SOX6: variants seen among roughly 807,000 people sequenced by gnomAD.
SOX6 encodes transcription factor SOX-6.
A neutral mutation model predicts 97.8 loss-of-function variants in SOX6; 11 were observed. That is an observed-to-expected ratio of 0.11 (90% CI 0.07 to 0.19). SOX6 has a LOEUF of 0.19. SOX6 is among the 10% of genes least tolerant of loss of function. The pLI is 1.00. For missense variants in SOX6, 810 were observed against 1,039.5 expected (o/e 0.78, Z 3.04); for synonymous variants, 360 against 371.4 (o/e 0.97, Z 0.35).
chr11:16,340,945 A>T (rs1470536791), intron 2 of SOX6, 67 bp downstream of exon 2: 1 of 1,604,518 alleles, frequency 6.2e-7, no homozygotes, highest in Non-Finnish European at 8.5e-7. Context: ...TCCCTAAAAT[A>T]TCTATTTATA....
chr11:15,979,108 T>G (rs531068132), intron 15 of SOX6, among the ~76,000 whole-genome samples: 1 of 143,334 alleles, frequency 7.0e-6, no homozygotes, highest in African/African-American at 2.6e-5. Context: ...TGTCTCAACC[T>G]CATAGGTGCA....
At chr11:16,179,801 T>A (rs1376346832) in intron 6 of SOX6, among the ~76,000 whole-genome samples, 2 of 151,958 alleles carry the variant, frequency 1.3e-5, no homozygotes, top group Non-Finnish European at 2.9e-5. Context: ...GATCGTTGTT[T>A]AGTTAGTTAT....
chr11:16,697,244 A>G (rs190981885), intron 3 of SOX6, among the ~76,000 whole-genome samples: 16 of 152,248 alleles, frequency 1.1e-4, no homozygotes, highest in Admixed American at 7.9e-4. Context: ...GTTGGAATCA[A>G]CTTCTTTCAA....
At chr11:16,524,707 T>C (rs915699650) in intron 4 of SOX6, among the ~76,000 whole-genome samples, 14 of 152,170 alleles carry the variant, frequency 9.2e-5, no homozygotes, top group South Asian at 8.3e-4. Flanking sequence ...CGTTTGCAGA[T>C]GACATGATTG....
At chr11:16,294,238 T>C (rs1234418217) in intron 3 of SOX6, among the ~76,000 whole-genome samples, 3 of 151,850 alleles carry the variant, frequency 2.0e-5, no homozygotes, top group Non-Finnish European at 4.4e-5. Context: ...GCTAGAAAAA[T>C]TGCCATATAT....
intron 4 of SOX6, among the ~76,000 whole-genome samples, chr11:16,488,778 T>C (rs1274992383): frequency 6.6e-6 from 1 of 152,196 alleles, no homozygotes; most frequent in Non-Finnish European, 1.5e-5. Flanking sequence ...GCTTATCATT[T>C]TACTGTATCT....
chr11:16,248,156 G>A (rs1043974324), intron 3 of SOX6, among the ~76,000 whole-genome samples: 3 of 152,174 alleles, frequency 2.0e-5, no homozygotes, highest in African/African-American at 4.8e-5. Context: ...ACAAAAGGTG[G>A]GCTTCCATGG....
Position 16,014,942 on chromosome 11 carries a change from C to G in SOX6, c.1732G>C (p.Gly578Arg), listed in dbSNP as rs1270738759. Reference sequence around the variant, plus strand: ...AAAGAACTAGAGAAAAGCCACTCACCCTCTGCATCTTCTGGCCGAGTAAGG... The same window carrying G: ...AAAGAACTAGAGAAAAGCCACTCACGCTCTGCATCTTCTGGCCGAGTAAGG... The part of the protein sequence containing the change: ...IDLTRPEDAE[G>R]SKAMNGSAAK... The change falls in exon 13 of 16, where the codon GGA (glycine) becomes CGA (arginine). Residue 578 changes from glycine (G) to arginine (R), a missense_variant and splice_region_variant. Around this residue, in one of 9 missense-constraint regions of SOX6, gnomAD observed 120 missense variants for 127.0 expected, o/e 0.94. Transcript: ENST00000683767. The G allele has an allele frequency of 6.2e-7, 1 of 1,612,202 alleles. No individual in the cohort carries two copies. Among genetic ancestry groups the G allele is most frequent in the Non-Finnish European group, 8.5e-7 (1 of 1,178,858 alleles).
chr11:16,736,703 G>A (rs12279282), intron 1 of SOX6, among the ~76,000 whole-genome samples: 53 of 152,236 alleles, frequency 3.5e-4, no homozygotes, highest in African/African-American at 1.1e-3. Context: ...AACTGTAGTC[G>A]AAACTGCAAA....
rs182044546 is a variant in SOX6 at position 16,630,115 on chromosome 11, C to A, written n.430-17855G>T. ...AGTTTCACTCAGATTTTAATTATTT[C>A]TTTTCTTCTGCTAGCTTTGGGGTTA... On this transcript the variant is annotated intron_variant and non_coding_transcript_variant, in intron 3 of 5. Coordinates refer to the SOX6 transcript ENST00000524520. Among the ~76,000 whole-genome samples the A allele has an allele frequency of 1.5e-3, 221 of 151,854 alleles. 1 individual carries two copies. The highest frequency in any genetic ancestry group is 2.2e-3 in the Admixed American group (33 of 15,242).
chr11:16,033,513 T>C (rs1448289032), intron 12 of SOX6, among the ~76,000 whole-genome samples: 1 of 152,162 alleles, frequency 6.6e-6, no homozygotes, highest in African/African-American at 2.4e-5. Context: ...GGCAATCAAA[T>C]TGGTGGTCTG....
At chr11:16,338,011 A>C (rs1856514872) in intron 2 of SOX6, among the ~76,000 whole-genome samples, 1 of 152,164 alleles carries the variant, frequency 6.6e-6, no homozygotes, top group Non-Finnish European at 1.5e-5. Flanking sequence ...TGTGGTCATG[A>C]CATTTCAAAG....
chr11:16,146,544 C>T lies in SOX6; in HGVS notation c.778-34621G>A, dbSNP rs552186672. Among the ~76,000 whole-genome samples the T allele has an allele frequency of 3.9e-5, 6 of 152,242 alleles. No homozygotes were observed. In the South Asian group the frequency reaches 1.2e-3, roughly 32 times the overall value. ...AAGAGCTTCTGCACAGCAAAAGAAA[C>T]TATCATCAGAGTGAACAGGCAACCT... On this transcript the variant is annotated intron_variant, in intron 6 of 15. Coordinates refer to ENST00000683767, the MANE Select transcript of SOX6 (RefSeq NM_001367873.1).
At chr11:16,113,642 A>T (rs899194404) in intron 6 of SOX6, among the ~76,000 whole-genome samples, 2 of 152,216 alleles carry the variant, frequency 1.3e-5, no homozygotes, top group African/African-American at 2.4e-5. Context: ...AAAGGAAATA[A>T]TTTCATTTGC....
chr11:16,027,012 C>G (rs748931739), intron 12 of SOX6, among the ~76,000 whole-genome samples: 61 of 152,118 alleles, frequency 4.0e-4, no homozygotes, highest in Admixed American at 1.0e-3. Context: ...GAACTGATAT[C>G]AATTACAGTA....
intron 4 of SOX6, chr11:16,484,656 C>G (rs1184312492): frequency 1.6e-6 from 1 of 638,332 alleles, no homozygotes. Flanking sequence ...TTGCTGAGCA[C>G]GAAGTGGCTG....
chr11:16,144,185 A>G (rs923404309), intron 6 of SOX6, among the ~76,000 whole-genome samples: 2 of 152,154 alleles, frequency 1.3e-5, no homozygotes, highest in East Asian at 1.9e-4. Flanking sequence ...CTAGAACTCA[A>G]GATTAAGAAA....
intron 3 of SOX6, among the ~76,000 whole-genome samples, chr11:16,612,507 A>C (rs1255970269): frequency 6.6e-6 from 1 of 151,128 alleles, no homozygotes; most frequent in Non-Finnish European, 1.5e-5. Context: ...TGGCATCTCA[A>C]ATGGAAAGTC....
chr11:16,507,708 C>G (rs887272649), intron 4 of SOX6, among the ~76,000 whole-genome samples: 1 of 152,050 alleles, frequency 6.6e-6, no homozygotes, highest in Non-Finnish European at 1.5e-5. Flanking sequence ...AATTGGATAT[C>G]CATATGCAAA....
Sources: gnomAD v4.1 joint callset for allele counts (sites outside exome capture counted in the v4.1 genomes callset) on GRCh38, gnomAD v4.1.1 for gene constraint, gnomAD v4.1.1 regional missense constraint, MANE v1.5 for transcripts, NCBI Gene and HGNC (gene_info 2026-07-23, HGNC 2026-07-21) for gene names.